CHRDL2: variants seen among roughly 807,000 people sequenced by gnomAD.
CHRDL2 encodes the protein chordin like 2.
CHRDL2 carries 41 observed loss-of-function variants against 54.3 expected under a neutral mutation model. The observed-to-expected ratio is 0.76, with a 90% CI of 0.59 to 0.98. The LOEUF (loss-of-function observed/expected upper bound fraction) is 0.98. CHRDL2 is among the 50% of genes least tolerant of loss of function. CHRDL2 has a pLI of 0.00. For missense variants in CHRDL2, 518 were observed against 562.4 expected (o/e 0.92, Z 0.80); for synonymous variants, 220 against 224.3 (o/e 0.98, Z 0.17).
chr11:74,721,646 C>T (rs2034502011), intron 1 of CHRDL2, among the ~76,000 whole-genome samples: 1 of 152,290 alleles, frequency 6.6e-6, no homozygotes, highest in South Asian at 2.1e-4. Flanking sequence ...CAGACGGCGA[C>T]AGGCCGCCTC....
intron 9 of CHRDL2, chr11:74,698,230 A>AATT (rs542868516): frequency 7.4e-6 from 1 of 134,248 alleles, no homozygotes; most frequent in African/African-American, 2.8e-5. Flanking sequence ...CACCTGGCTA[A>AATT]TTTTTTTTTT....
chr11:74,713,290 C>A (rs905248642), intron 3 of CHRDL2, 96 bp downstream of exon 3: 23 of 1,036,258 alleles, frequency 2.2e-5, no homozygotes, highest in Non-Finnish European at 3.2e-5. Context: ...TGGGTAGAGA[C>A]TGCCCCTCTC....
chr11:74,726,522 G>A (rs2034573067), intron 1 of CHRDL2, among the ~76,000 whole-genome samples: 1 of 152,300 alleles, frequency 6.6e-6, no homozygotes, highest in South Asian at 2.1e-4. Flanking sequence ...GAAGGGGGAC[G>A]CCTGAAATGA....
In CHRDL2 at chr11:74,710,963, G is replaced by A. The variant is rs777159964; in HGVS notation, c.318C>T (p.Ala106=). 3 of 1,614,064 alleles carry A rather than the reference G, an allele frequency of 1.9e-6. No homozygotes were observed. The highest frequency in any genetic ancestry group is 2.5e-6 in the Non-Finnish European group (3 of 1,179,980). ...CGTTGTGCTGGCAGGACTTTGGTGG[G>A]GCCCGGAGTCCAGAGGGAGTGTGAG... ...VEPHTPSGLR[A]PPKSCQHNGT... Residue 106 remains alanine, a synonymous_variant, in exon 4 of 11, where the codon GCC becomes GCT. Coordinates refer to ENST00000376332, the MANE Select transcript of CHRDL2 (RefSeq NM_001278473.3).
intron 6 of CHRDL2, among the ~76,000 whole-genome samples, chr11:74,704,931 TG>T (rs1344981215): frequency 1.3e-5 from 2 of 151,920 alleles, no homozygotes; most frequent in Admixed American, 6.5e-5. Flanking sequence ...GCCTTGGGGT[TG>T]GGGTGGGCAG....
At chr11:74,726,618 A>G (rs1002380329) in intron 1 of CHRDL2, among the ~76,000 whole-genome samples, 3 of 152,202 alleles carry the variant, frequency 2.0e-5, no homozygotes, top group Non-Finnish European at 2.9e-5. Context: ...CCTCTCCCAG[A>G]GTCCGGCGCC....
Position 74,710,994 on chromosome 11 carries a change from G to C in CHRDL2, c.290-3C>G. 1 of 1,611,726 alleles carries C rather than the reference G, an allele frequency of 6.2e-7. No individual in the cohort carries two copies. Among genetic ancestry groups the C allele is most frequent in the Non-Finnish European group, 8.5e-7 (1 of 1,178,630 alleles). The stretch of plus-strand genomic sequence containing the variant: ...GAGTCCAGAGGGAGTGTGAGGTTCT[G>C]CAGTGGGGGAGGGGCAGGAGGAAGA... On this transcript the variant is annotated splice_region_variant and splice_polypyrimidine_tract_variant and intron_variant, in intron 3 of 10. Transcript: ENST00000376332.
rs755273033 is a variant in CHRDL2 at position 74,708,383 on chromosome 11, A to G, written c.445T>C (p.Tyr149His). ...TCGGGGCAGGTTGTGAGGCCGCAGT[A>G]GATCTGGCCCTCCTGACAGATAGAG... ...VLCSCTEGQIYCGLTTCPEPG... is the reference protein window; with the variant it reads ...VLCSCTEGQIHCGLTTCPEPG... Residue 149 changes from tyrosine (Y) to histidine (H), a missense_variant, in exon 5 of 11, where the codon TAC (tyrosine) becomes CAC (histidine). By Grantham distance (83) the Tyr-to-His change is moderately conservative. Coordinates refer to ENST00000376332, the MANE Select transcript of CHRDL2 (RefSeq NM_001278473.3). The G allele has an allele frequency of 4.4e-6, 7 of 1,582,260 alleles. No individual in the cohort carries two copies. In the Admixed American group the frequency reaches 7.2e-5, roughly 16 times the overall value.
At chr11:74,723,280 C>T (rs943365504) in intron 1 of CHRDL2, among the ~76,000 whole-genome samples, 4 of 152,104 alleles carry the variant, frequency 2.6e-5, no homozygotes, top group Non-Finnish European at 5.9e-5. Flanking sequence ...CGTGAGTGTG[C>T]GGCACTTGGC....
intron 6 of CHRDL2, 116 bp downstream of exon 6, chr11:74,706,370 AG>A: frequency 1.0e-6 from 1 of 1,002,448 alleles, no homozygotes; most frequent in East Asian, 2.4e-5. Flanking sequence ...TAGCCAACCC[AG>A]GGGACAAACA....
chr11:74,701,539 G>T (rs371927047), intron 9 of CHRDL2: 1 of 711,736 alleles, frequency 1.4e-6, no homozygotes, highest in Admixed American at 2.0e-5. Context: ...AGCAGGGAAA[G>T]AGCCGCATCT....
chr11:74,707,844 C>T (rs2034060521), intron 5 of CHRDL2, among the ~76,000 whole-genome samples: 1 of 152,138 alleles, frequency 6.6e-6, no homozygotes, highest in East Asian at 1.9e-4. Context: ...ACTTAGCACC[C>T]ACCCATGCAT....
intron 1 of CHRDL2, among the ~76,000 whole-genome samples, chr11:74,728,186 C>G (rs1169941561): frequency 6.6e-6 from 1 of 152,190 alleles, no homozygotes; most frequent in Non-Finnish European, 1.5e-5. Flanking sequence ...CAAACTGTTA[C>G]CTGTGTTCAC....
At chr11:74,725,414 T>A (rs183503292) in intron 1 of CHRDL2, among the ~76,000 whole-genome samples, 4 of 152,260 alleles carry the variant, frequency 2.6e-5, no homozygotes, top group African/African-American at 9.6e-5. Context: ...ACTTTCCAGC[T>A]CCCTGCCATC....
intron 1 of CHRDL2, among the ~76,000 whole-genome samples, chr11:74,730,086 A>G (rs930655664): frequency 1.3e-5 from 2 of 152,214 alleles, no homozygotes; most frequent in African/African-American, 2.4e-5. Flanking sequence ...ACCCAGGGTC[A>G]GAGAGGTGCA....
At chr11:74,722,000 T>C (rs757352691) in intron 1 of CHRDL2, among the ~76,000 whole-genome samples, 1 of 152,214 alleles carries the variant, frequency 6.6e-6, no homozygotes, top group Non-Finnish European at 1.5e-5. Context: ...GATTCGATCA[T>C]TCCAAGATTC....
chr11:74,702,506 ATCTG>A (rs1455543378), intron 9 of CHRDL2, among the ~76,000 whole-genome samples: 1 of 152,160 alleles, frequency 6.6e-6, no homozygotes, highest in African/African-American at 2.4e-5. Flanking sequence ...GCCATTAGAC[ATCTG>A]TCTATTTCTC....
chr11:74,727,003 C>T (rs570090383), intron 1 of CHRDL2, among the ~76,000 whole-genome samples: 2 of 152,326 alleles, frequency 1.3e-5, no homozygotes, highest in South Asian at 4.1e-4. Flanking sequence ...GTCCACTCCT[C>T]CCTGGCAGGG....
chr11:74,722,208 C>G (rs1277434839), intron 1 of CHRDL2, among the ~76,000 whole-genome samples: 1 of 152,140 alleles, frequency 6.6e-6, no homozygotes, highest in Admixed American at 6.5e-5. Context: ...GTGGCGTTCC[C>G]ACCTCTGCCC....
Sources: allele counts gnomAD v4.1 joint callset (sites outside exome capture counted in the v4.1 genomes callset), GRCh38; gene constraint gnomAD v4.1.1; transcripts MANE v1.5; gene names NCBI Gene and HGNC (gene_info 2026-07-23, HGNC 2026-07-21).